Variants in PRSS8 observed in about 807,000 individuals in gnomAD.
The protein encoded by PRSS8 is prostasin.
A neutral mutation model predicts 26.7 loss-of-function variants in PRSS8; 11 were observed. That is an observed-to-expected ratio of 0.41 (90% CI 0.26 to 0.68). PRSS8 has a LOEUF of 0.68. Among genes scored for constraint, PRSS8 ranks in the 30% least tolerant of loss-of-function variants. The pLI is 0.30. For missense variants in PRSS8, 362 were observed against 443.5 expected (o/e 0.82, Z 1.65); for synonymous variants, 183 against 187.0 (o/e 0.98, Z 0.17).
Position 31,132,455 on chromosome 16 carries a change from C to T in PRSS8, c.679G>A (p.Val227Met), listed in dbSNP as rs778110622. ...VQEDMVCAGY[V>M]EGGKDACQGD... ...TGGCAGGCGTCCTTGCCCCCCTCCACATAGCCAGCACACACCATGTCCTCT... is the reference window on the plus strand; with the variant it reads ...TGGCAGGCGTCCTTGCCCCCCTCCATATAGCCAGCACACACCATGTCCTCT... Residue 227 changes from valine (V) to methionine (M), a missense_variant, in exon 5 of 6, where the codon GTG (valine) becomes ATG (methionine). Val to Met is a conservative substitution (Grantham distance 21). Transcript: ENST00000317508. This position sits in a 1 kb window ranked among gnomAD's most constrained non-coding sequence, Gnocchi z 5.2. 4.3e-6 allele frequency: 7 copies of T among 1,614,006 alleles called. No individual in the cohort carries two copies. The highest frequency in any genetic ancestry group is 1.3e-5 in the African/African-American group (1 of 75,064).
In PRSS8 at chr16:31,131,896, A is replaced by G; in HGVS notation, c.*113T>C. 1 of 1,247,648 alleles carries G rather than the reference A, an allele frequency of 8.0e-7. No individual in the cohort carries two copies. The highest frequency in any genetic ancestry group is 1.6e-5 in the South Asian group (1 of 61,350). The allele number at this position is 1,247,648 out of a possible 1,614,324, so 77.3% of individuals were successfully genotyped here. A position where few individuals can be genotyped will look rare whatever the true frequency, so the allele number is the denominator to read the frequency against. On this transcript the variant is annotated 3_prime_UTR_variant, in exon 6 of 6. Transcript: ENST00000317508. ...TCAAGATGGGGCCCCAGCCTCCCGC[A>G]GAGTCCTGAAGGAAGGAGTGGCTCA...
intron 1 of PRSS8, 90 bp from the exon 2 acceptor site, chr16:31,135,261 C>G (rs142789229): frequency 6.2e-7 from 1 of 1,602,136 alleles, no homozygotes; most frequent in African/African-American, 1.3e-5. Flanking sequence ...AGGGCTGGCC[C>G]CTTCCCTGAC....
Position 31,131,795 on chromosome 16 carries a change from C to T in PRSS8, c.*214G>A. 1.8e-6 allele frequency: 1 copy of T among 570,554 alleles called. No homozygotes were observed. Among genetic ancestry groups the T allele is most frequent in the Non-Finnish European group, 3.0e-6 (1 of 328,750 alleles). The allele number at this position is 570,554 out of a possible 1,614,324, so 35.3% of individuals were successfully genotyped here. ...TGGGTGAGGGGCCAGAGGCTCTGGC[C>T]ATTGCTACAGGCAGTAAAACTCCTG... On this transcript the variant is annotated 3_prime_UTR_variant, in exon 6 of 6. Transcript: ENST00000317508.
chr16:31,135,400 A>G lies in PRSS8; in HGVS notation c.85+14T>C. The G allele has an allele frequency of 6.3e-7, 1 of 1,587,708 alleles. No individual in the cohort carries two copies. Among genetic ancestry groups the G allele is most frequent in the Non-Finnish European group, 8.6e-7 (1 of 1,167,554 alleles). On this transcript the variant is annotated intron_variant, in intron 1 of 5. Transcript: ENST00000317508. ...AGTGCATTGTCCCCACCCTGCCCCC[A>G]CGTCCTCACTTACCTGTCCCCGACC...
At position 31,135,487 on chromosome 16, in the gene PRSS8, C is replaced by T; in HGVS notation, c.12G>A (p.Lys4=). Residue 4 remains lysine, a synonymous_variant, in exon 1 of 6, where the codon AAG becomes AAA. Transcript: ENST00000317508. MAQ[K]GVLGPGQLGA... Reference sequence around the variant, plus strand: ...CCAGCTGCCCAGGCCCCAGGACCCCCTTCTGGGCCATGGCCCAGGACAAGG... The same window carrying T: ...CCAGCTGCCCAGGCCCCAGGACCCCTTTCTGGGCCATGGCCCAGGACAAGG... 1 of 1,568,898 alleles carries T rather than the reference C, an allele frequency of 6.4e-7. No homozygotes were observed. Among genetic ancestry groups the T allele is most frequent in the East Asian group, 2.4e-5 (1 of 42,368 alleles).
At position 31,135,423 on chromosome 16, in the gene PRSS8, A is replaced by C; in HGVS notation, c.76T>G (p.Ser26Ala). The C allele has an allele frequency of 2.5e-6, 4 of 1,594,392 alleles. No homozygotes were observed. Among genetic ancestry groups the C allele is most frequent in the Non-Finnish European group, 3.4e-6 (4 of 1,171,072 alleles). Residue 26 changes from serine to alanine, a missense_variant, in exon 1 of 6, where the codon TCG becomes GCG. Coordinates refer to ENST00000317508, the MANE Select transcript of PRSS8 (RefSeq NM_002773.5). Reference sequence around the variant, plus strand: ...CCACGTCCTCACTTACCTGTCCCCGACCGGAGTAATCCAAGATAGAGCAGA... The same window carrying C: ...CCACGTCCTCACTTACCTGTCCCCGCCCGGAGTAATCCAAGATAGAGCAGA... ...AILLYLGLLR[S>A]GTGAEGAEAP... is the part of the protein sequence containing the mutation.
Position 31,132,697 on chromosome 16 carries a change from G to C in PRSS8, c.523C>G (p.His175Asp). 6.2e-7 allele frequency: 1 copy of C among 1,613,972 alleles called. No individual in the cohort carries two copies. The highest frequency in any genetic ancestry group is 1.1e-5 in the South Asian group (1 of 91,072). Residue 175 changes from histidine (H) to aspartate (D), a missense_variant, in exon 4 of 6, where the codon CAT becomes GAT. His to Asp is a moderately conservative substitution (Grantham distance 81, BLOSUM62 -1). Transcript: ENST00000317508. This position sits in a 1 kb window ranked among gnomAD's most constrained non-coding sequence, Gnocchi z 5.2. ...GLHCTVTGWG[H>D]VAPSVSLLTP... ...CCCACCTCACCTGAGGGGGCCACAT[G>C]ACCCCAGCCAGTGACAGTGCAGTGG...
In PRSS8 at chr16:31,132,512, C is replaced by T. The variant is rs375600251; in HGVS notation, c.622G>A (p.Asp208Asn). The change falls in exon 5 of 6, where the codon GAC becomes AAC. Residue 208 changes from aspartate (D) to asparagine (N), a missense_variant. Coordinates refer to ENST00000317508, the MANE Select transcript of PRSS8 (RefSeq NM_002773.5). This position sits in a 1 kb window ranked among gnomAD's most constrained non-coding sequence, Gnocchi z 5.2. ...AAGTGCGGCTCCTCAGGCTTGGCGT[C>T]GATGTTGTACAGGCAGTTACACGTC... is the stretch of plus-strand genomic sequence containing the variant. ...RETCNCLYNIDAKPEEPHFVQ... is the reference protein window; with the variant it reads ...RETCNCLYNINAKPEEPHFVQ... The T allele has an allele frequency of 1.4e-5, 23 of 1,613,918 alleles. No individual in the cohort carries two copies. The highest frequency in any genetic ancestry group is 1.1e-4 in the East Asian group (5 of 44,890).
intron 2 of PRSS8, 151 bp downstream of exon 2, chr16:31,135,003 A>C (rs1204342846): frequency 9.7e-6 from 9 of 932,166 alleles, no homozygotes; most frequent in Non-Finnish European, 1.4e-5. Flanking sequence ...CTCTGCCCAT[A>C]AGGTGAGGGC....
rs372480794 is a variant in PRSS8 at position 31,132,410 on chromosome 16, C to T, written c.705+19G>A. 40 of 1,613,678 alleles carry T rather than the reference C, an allele frequency of 2.5e-5. No individual in the cohort carries two copies. The highest frequency in any genetic ancestry group is 2.2e-5 in the East Asian group (1 of 44,862). The stretch of plus-strand genomic sequence containing the variant: ...TTCCGAAGTTGCACTGGTCATCTGC[C>T]CCCCGGGCCTGTGCTTACCTGGCAG... On this transcript the variant is annotated intron_variant, in intron 5 of 5. Transcript: ENST00000317508. The surrounding 1 kb of genome is among the most constrained non-coding windows in gnomAD (Gnocchi z 5.2).
At chr16:31,135,293 G>C in intron 1 of PRSS8, 121 bp downstream of exon 1, 1 of 1,587,024 alleles carries the variant, frequency 6.3e-7, no homozygotes, top group Non-Finnish European at 8.6e-7. Context: ...GGGAAAGAGA[G>C]GCCAAGAGCT....
At chr16:31,135,287 A>C (rs1264016344) in intron 1 of PRSS8, 116 bp from the exon 2 acceptor site, 18 of 1,585,272 alleles carry the variant, frequency 1.1e-5, no homozygotes, top group Non-Finnish European at 1.5e-5. Context: ...CAAGGTGGGA[A>C]AGAGAGGCCA....
Position 31,131,599 on chromosome 16 carries a change from A to G in PRSS8, c.*410T>C, listed in dbSNP as rs2057580187. On this transcript the variant is annotated 3_prime_UTR_variant, in exon 6 of 6. Coordinates refer to ENST00000317508, the MANE Select transcript of PRSS8 (RefSeq NM_002773.5). The stretch of plus-strand genomic sequence containing the variant: ...GGGCCTTTCCTGTCCTCGAAGCTGC[A>G]CAAAGGTGGCCCCAGCCCAGAACAC... 4 of 460,800 alleles carry G rather than the reference A, an allele frequency of 8.7e-6. No individual in the cohort carries two copies. The highest frequency in any genetic ancestry group is 1.6e-5 in the Non-Finnish European group (4 of 257,496). The allele number at this position is 460,800 out of a possible 1,614,324, so 28.5% of individuals were successfully genotyped here. A position where few individuals can be genotyped will look rare whatever the true frequency, so the allele number is the denominator to read the frequency against.
At position 31,132,804 on chromosome 16, in the gene PRSS8, T is replaced by A. The variant is rs2057587647; in HGVS notation, c.416A>T (p.Gln139Leu). 6.2e-7 allele frequency: 1 copy of A among 1,613,944 alleles called. No homozygotes were observed. Among genetic ancestry groups the A allele is most frequent in the Non-Finnish European group, 8.5e-7 (1 of 1,179,866 alleles). Reference protein sequence around the residue: ...EGSQGDIALLQLSRPITFSRY... With the variant: ...EGSQGDIALLLLSRPITFSRY... Reference sequence around the variant, plus strand: ...GGAGAAGGTGATGGGTCTGCTGAGTTGGAGGAGTGCAATGTCGCCCTGGGA... The same window carrying A: ...GGAGAAGGTGATGGGTCTGCTGAGTAGGAGGAGTGCAATGTCGCCCTGGGA... The change falls in exon 4 of 6, where the codon CAA (glutamine) becomes CTA (leucine). Residue 139 changes from glutamine to leucine, a missense_variant. Physicochemically the swap from Gln to Leu is moderately radical, Grantham distance 113. Coordinates refer to ENST00000317508, the MANE Select transcript of PRSS8 (RefSeq NM_002773.5). This position sits in a 1 kb window ranked among gnomAD's most constrained non-coding sequence, Gnocchi z 5.2.
At position 31,133,513 on chromosome 16, in the gene PRSS8, G is replaced by T; in HGVS notation, c.104-125C>A. Reference sequence around the variant, plus strand: ...TCAACACCCCTTTGTCCCCTCCCAGGCATGGGCAGTTGTGCCCCTTCTGTC... The same window carrying T: ...TCAACACCCCTTTGTCCCCTCCCAGTCATGGGCAGTTGTGCCCCTTCTGTC... On this transcript the variant is annotated intron_variant, in intron 2 of 5. Transcript: ENST00000317508. The surrounding 1 kb of genome is among the most constrained non-coding windows in gnomAD (Gnocchi z 4.7). 1 of 1,217,268 alleles carries T rather than the reference G, an allele frequency of 8.2e-7. No individual in the cohort carries two copies. Among genetic ancestry groups the T allele is most frequent in the Non-Finnish European group, 1.1e-6 (1 of 882,496 alleles). 75.4% of individuals were successfully genotyped at this position (1,217,268 alleles called of 1,614,324 possible).
Position 31,131,600 on chromosome 16 carries a change from C to CA in PRSS8, c.*408dup, listed in dbSNP as rs1406571459. ...GGCCTTTCCTGTCCTCGAAGCTGCA[C>CA]AAAGGTGGCCCCAGCCCAGAACACA... On this transcript the variant is annotated 3_prime_UTR_variant, in exon 6 of 6. Coordinates refer to ENST00000317508, the MANE Select transcript of PRSS8 (RefSeq NM_002773.5). 2.2e-6 allele frequency: 1 copy of CA among 458,952 alleles called. No individual in the cohort carries two copies. Among genetic ancestry groups the CA allele is most frequent in the African/African-American group, 2.0e-5 (1 of 50,564 alleles). 28.4% of individuals were successfully genotyped at this position (458,952 alleles called of 1,614,324 possible).
In PRSS8 at chr16:31,132,326, C is replaced by T; in HGVS notation, c.715G>A (p.Gly239Arg). 1 of 1,613,970 alleles carries T rather than the reference C, an allele frequency of 6.2e-7. No homozygotes were observed. The change falls in exon 6 of 6, where the codon GGG becomes AGG. Residue 239 changes from glycine to arginine, a missense_variant. Physicochemically the swap from Gly to Arg is moderately radical, Grantham distance 125. Coordinates refer to ENST00000317508, the MANE Select transcript of PRSS8 (RefSeq NM_002773.5). This position sits in a 1 kb window ranked among gnomAD's most constrained non-coding sequence, Gnocchi z 5.2. ...GGKDACQGDS[G>R]GPLSCPVEGL... Reference sequence around the variant, plus strand: ...TCCACAGGGCAGGAGAGTGGGCCCCCAGAGTCACCCTGAGGAGAGAAGCCA... The same window carrying T: ...TCCACAGGGCAGGAGAGTGGGCCCCTAGAGTCACCCTGAGGAGAGAAGCCA...
chr16:31,133,087 C>T lies in PRSS8; in HGVS notation c.267-134G>A. 1 of 1,570,434 alleles carries T rather than the reference C, an allele frequency of 6.4e-7. No homozygotes were observed. Among genetic ancestry groups the T allele is most frequent in the Admixed American group, 1.7e-5 (1 of 58,752 alleles). On this transcript the variant is annotated intron_variant, in intron 3 of 5. Transcript: ENST00000317508. This position sits in a 1 kb window ranked among gnomAD's most constrained non-coding sequence, Gnocchi z 4.7. ...TTAGTTTTATCATGTAACCTCTGAC[C>T]CCTCACCTTCACTCCTAACTGGTCC...
In PRSS8 at chr16:31,133,566, A is replaced by T. The variant is rs1229459099; in HGVS notation, c.104-178T>A. 6.6e-6 allele frequency among the ~76,000 whole-genome samples: 1 copy of T among 152,132 alleles called. No homozygotes were observed. Among genetic ancestry groups the T allele is most frequent in the Non-Finnish European group, 1.5e-5 (1 of 68,014 alleles). ...CTACCCATTACCTAATTCAGGTCTC[A>T]TGGCAGCTTCTCTCCTTGCAAGCCT... On this transcript the variant is annotated intron_variant, in intron 2 of 5. Transcript: ENST00000317508. The surrounding 1 kb of genome is among the most constrained non-coding windows in gnomAD (Gnocchi z 4.7).
Sources: gnomAD v4.1 joint callset for allele counts (sites outside exome capture counted in the v4.1 genomes callset) on GRCh38, gnomAD v4.1.1 for gene constraint, Gnocchi (gnomAD v3.1) non-coding constraint, MANE v1.5 for transcripts, NCBI Gene and HGNC (gene_info 2026-07-23, HGNC 2026-07-21) for gene names.